NAALADL2: variants seen among roughly 807,000 people sequenced by gnomAD.
NAALADL2 encodes the protein inactive N-acetylated-alpha-linked acidic dipeptidase-like protein 2.
A neutral mutation model predicts 87.2 loss-of-function variants in NAALADL2; 76 were observed. The ratio of observed to expected loss-of-function variants is 0.87; its 90% CI spans 0.72 to 1.05. NAALADL2 has a LOEUF of 1.05. NAALADL2 is among the 50% of genes least tolerant of loss of function. The pLI is 0.00. For synonymous variants in NAALADL2, 354 were observed against 331.0 expected (o/e 1.07, Z -0.75); for missense variants, 1,089 against 945.8 (o/e 1.15, Z -1.99).
At chr3:174,989,028 G>T (rs930292658) in intron 1 of NAALADL2, among the ~76,000 whole-genome samples, 1 of 152,152 alleles carries the variant, frequency 6.6e-6, no homozygotes, top group East Asian at 1.9e-4. Context: ...GAACTGATGT[G>T]TACAGACATC....
chr3:174,712,538 C>A (rs962601025), intron 2 of NAALADL2, among the ~76,000 whole-genome samples: 1 of 151,650 alleles, frequency 6.6e-6, no homozygotes, highest in Non-Finnish European at 1.5e-5. Flanking sequence ...CAGGCACCTG[C>A]CACCAGGCCC....
rs997154036 is a variant in NAALADL2, at chr3:175,465,455, G to T, written c.1328-1524G>T. ...ATTTGCAGACACACTCTCACACTATGTATACCATGAATTAAATCTTTTTTT... is the reference window on the plus strand; with the variant it reads ...ATTTGCAGACACACTCTCACACTATTTATACCATGAATTAAATCTTTTTTT... On this transcript the variant is annotated intron_variant, in intron 7 of 13. Coordinates refer to ENST00000454872, the MANE Select transcript of NAALADL2 (RefSeq NM_207015.3). Among the ~76,000 whole-genome samples the T allele has an allele frequency of 5.0e-5, 7 of 141,342 alleles. No homozygotes were observed. The South Asian group carries it at 1.3e-3, about 27-fold the overall frequency. The allele number at this position is 141,342 out of a possible 152,430, so 92.7% of individuals were successfully genotyped here. A position where few individuals can be genotyped will look rare whatever the true frequency, so the allele number is the denominator to read the frequency against.
chr3:175,021,268 A>G (rs1256644286), intron 1 of NAALADL2, among the ~76,000 whole-genome samples: 3 of 152,102 alleles, frequency 2.0e-5, no homozygotes, highest in Admixed American at 6.6e-5. Flanking sequence ...TTTAAATTCA[A>G]TAAGAGCTGG....
chr3:174,880,207 G>A (rs1010205607), intron 1 of NAALADL2, among the ~76,000 whole-genome samples: 9 of 152,004 alleles, frequency 5.9e-5, no homozygotes, highest in Admixed American at 3.3e-4. Context: ...TGTACTCAAC[G>A]TATCTACCTG....
chr3:174,842,230 T>G (rs527700584), intron 3 of NAALADL2, among the ~76,000 whole-genome samples: 2 of 152,204 alleles, frequency 1.3e-5, no homozygotes, highest in Non-Finnish European at 2.9e-5. Flanking sequence ...TTTGTATGTT[T>G]AGTAGAGACA....
chr3:175,775,539 T>C (rs62286133), intron 13 of NAALADL2, among the ~76,000 whole-genome samples: 13,913 of 152,176 alleles, frequency 0.091, 660 homozygotes, highest in Middle Eastern at 0.12. Flanking sequence ...AACATTTATG[T>C]GCCTATTCTA....
Position 174,859,435 on chromosome 3 carries a change from A to G in NAALADL2, c.28A>G (p.Asn10Asp). The change falls in exon 1 of 14, where the codon AAC becomes GAC. Residue 10 changes from asparagine (N) to aspartate (D), a missense_variant. Physicochemically the swap from Asn to Asp is conservative, Grantham distance 23 (BLOSUM62 1). Transcript: ENST00000454872. ...GGGAGAGAATGAAGCAAGTTTACCT[A>G]ACACGTCTTTGCAAGGTAAGTACCA... Reference protein sequence around the residue: MGENEASLPNTSLQGKKMAY... With the variant: MGENEASLPDTSLQGKKMAY... 6.2e-7 allele frequency: 1 copy of G among 1,611,040 alleles called. No homozygotes were observed. Among genetic ancestry groups the G allele is most frequent in the Non-Finnish European group, 8.5e-7 (1 of 1,178,272 alleles).
intron 2 of NAALADL2, among the ~76,000 whole-genome samples, chr3:174,567,703 GT>G (rs1714449129): frequency 6.6e-6 from 1 of 151,568 alleles, no homozygotes; most frequent in South Asian, 2.1e-4. Context: ...GTTGTTTAGT[GT>G]TTCTGAATAT....
At chr3:175,036,525 A>G (rs1383414380) in intron 1 of NAALADL2, among the ~76,000 whole-genome samples, 1 of 151,466 alleles carries the variant, frequency 6.6e-6, no homozygotes, top group Non-Finnish European at 1.5e-5. Flanking sequence ...TCAGCCTCCC[A>G]AATAGCTGGG....
At chr3:175,634,475 A>C (rs1326186058) in intron 11 of NAALADL2, among the ~76,000 whole-genome samples, 1 of 151,986 alleles carries the variant, frequency 6.6e-6, no homozygotes, top group South Asian at 2.1e-4. Flanking sequence ...TTATCTTGAG[A>C]TGCCATTCTA....
chr3:175,396,650 C>A (rs1156731927), intron 5 of NAALADL2, among the ~76,000 whole-genome samples: 1 of 152,104 alleles, frequency 6.6e-6, no homozygotes, highest in Non-Finnish European at 1.5e-5. Flanking sequence ...TGTCCCCAAC[C>A]AAATCTCATC....
intron 2 of NAALADL2, among the ~76,000 whole-genome samples, chr3:174,598,931 T>G (rs1718182493): frequency 6.6e-6 from 1 of 152,170 alleles, no homozygotes; most frequent in Non-Finnish European, 1.5e-5. Context: ...GCCATAAGCA[T>G]GTTGTCTCTC....
chr3:175,655,420 C>A, intron 11 of NAALADL2: 1 of 311,540 alleles, frequency 3.2e-6, no homozygotes, highest in Non-Finnish European at 6.4e-6. Flanking sequence ...ATATATTTAG[C>A]TGGAGTTTGC....
intron 1 of NAALADL2, among the ~76,000 whole-genome samples, chr3:174,908,021 G>GTT (rs35051279): frequency 0.014 from 1,131 of 82,480 alleles, 4 homozygotes; most frequent in African/African-American, 0.026. Context: ...AGAGAAGTTG[G>GTT]TTTTTTTTTT....
At chr3:174,480,560 A>T (rs1485338781) in intron 1 of NAALADL2, among the ~76,000 whole-genome samples, 4 of 152,068 alleles carry the variant, frequency 2.6e-5, no homozygotes, top group Non-Finnish European at 4.4e-5. Context: ...CTTAGAATAT[A>T]TTTATGTTAG....
intron 2 of NAALADL2, among the ~76,000 whole-genome samples, chr3:175,110,355 G>T (rs916565946): frequency 1.3e-5 from 2 of 151,742 alleles, no homozygotes; most frequent in African/African-American, 4.8e-5. Context: ...GGCCATATTA[G>T]TGAGAAAAAT....
intron 4 of NAALADL2, among the ~76,000 whole-genome samples, chr3:175,270,383 A>C (rs1311011594): frequency 6.6e-6 from 1 of 152,206 alleles, no homozygotes. Context: ...GGATATGGTC[A>C]TTACGGTTAA....
At chr3:175,134,284 A>G (rs1307233544) in intron 2 of NAALADL2, among the ~76,000 whole-genome samples, 1 of 152,242 alleles carries the variant, frequency 6.6e-6, no homozygotes, top group East Asian at 1.9e-4. Flanking sequence ...CTTGTAGTCA[A>G]AGCTTAACCT....
intron 11 of NAALADL2, among the ~76,000 whole-genome samples, chr3:175,632,190 TC>T (rs1490741579): frequency 6.6e-6 from 1 of 151,528 alleles, no homozygotes; most frequent in Admixed American, 6.6e-5. Flanking sequence ...GGGGCAGACT[TC>T]CCCCTTATTG....
Sources: allele counts gnomAD v4.1 joint callset (sites outside exome capture counted in the v4.1 genomes callset), GRCh38; gene constraint gnomAD v4.1.1; transcripts MANE v1.5; gene names NCBI Gene and HGNC (gene_info 2026-07-23, HGNC 2026-07-21).